GLRA2: variants seen among roughly 807,000 people sequenced by gnomAD.
GLRA2 encodes glycine receptor subunit alpha-2.
In GLRA2, 11 loss-of-function variants were observed where a neutral mutation model predicts 31.6. The observed-to-expected ratio is 0.35, with a 90% CI of 0.22 to 0.58. The LOEUF (loss-of-function observed/expected upper bound fraction) is 0.58. GLRA2 is among the 20% of genes least tolerant of loss of function. The probability of loss-of-function intolerance (pLI) is 0.84; values close to 1 mark genes in which losing one functional copy is unlikely to be tolerated. For missense variants in GLRA2, 212 were observed against 351.8 expected, an observed-to-expected ratio of 0.60 and a Z score of 3.18; for synonymous variants, 132 against 134.0, an observed-to-expected ratio of 0.99 and a Z score of 0.10.
chrX:14,678,033 C>T (rs1457125366), intron 7 of GLRA2, among the ~76,000 whole-genome samples: 2 of 111,887 alleles, frequency 1.8e-5, no homozygotes, highest in Non-Finnish European at 3.8e-5. Flanking sequence ...TAGCACTGCT[C>T]CCTGGTTGTG....
In GLRA2 at chrX:14,690,736, C is replaced by G. The variant is rs1421532458; in HGVS notation, c.957C>G (p.Ile319Met). The G allele has an allele frequency of 4.2e-6, 5 of 1,203,268 alleles. No individual in the cohort carries two copies. The highest frequency in any genetic ancestry group is 5.6e-6 in the Non-Finnish European group (5 of 888,654). ...PKVSYVKAID[I>M]WMAVCLLFVF... ...TCTCCTATGTAAAAGCGATTGACAT[C>G]TGGATGGCGGTGTGCCTTCTGTTTG... Residue 319 changes from isoleucine to methionine, a missense_variant, in exon 8 of 9, where the codon ATC (isoleucine) becomes ATG (methionine). Physicochemically the swap from Ile to Met is conservative, Grantham distance 10 (BLOSUM62 1). Transcript: ENST00000218075.
At chrX:14,519,999 T>C in the GLRA2 span, among the ~76,000 whole-genome samples, 2 of 112,279 alleles carry the variant, frequency 1.8e-5, no homozygotes, top group Admixed American at 1.9e-4. Flanking sequence ...ATGAATGTAA[T>C]TCCATGTCAG....
At chrX:14,564,689 A>T (rs1455714167) in intron 2 of GLRA2, among the ~76,000 whole-genome samples, 1 of 112,417 alleles carries the variant, frequency 8.9e-6, no homozygotes, top group Non-Finnish European at 1.9e-5. Flanking sequence ...CTGCAACAAC[A>T]AAAACATAAA....
At chrX:14,714,444 A>T (rs951502066) in intron 8 of GLRA2, among the ~76,000 whole-genome samples, 4 of 111,854 alleles carry the variant, frequency 3.6e-5, no homozygotes, top group African/African-American at 1.3e-4. Flanking sequence ...GAACTAAAGA[A>T]AGATCCACCA....
At chrX:14,677,898 C>A (rs1195817110) in intron 7 of GLRA2, among the ~76,000 whole-genome samples, 1 of 112,109 alleles carries the variant, frequency 8.9e-6, no homozygotes, top group Non-Finnish European at 1.9e-5. Context: ...TTTGCTTTCT[C>A]TCTCTCAGGG....
the GLRA2 span, among the ~76,000 whole-genome samples, chrX:14,458,320 C>T: frequency 5.4e-5 from 6 of 111,563 alleles, no homozygotes; most frequent in Non-Finnish European, 1.1e-4. Context: ...TGAATAGTGC[C>T]ACAATAAACA....
Position 14,730,539 on chromosome X carries a change from C to CG in GLRA2, c.*54_*55insG. On this transcript the variant is annotated 3_prime_UTR_variant, in exon 9 of 9. Coordinates refer to ENST00000218075, the MANE Select transcript of GLRA2 (RefSeq NM_002063.4). Reference sequence around the variant, plus strand: ...TGCCTCAGTGTTGTGCTTGTAAATACACAGTGAAATTGTCTTTATATCACT... The same window carrying CG: ...TGCCTCAGTGTTGTGCTTGTAAATACGACAGTGAAATTGTCTTTATATCACT... The CG allele has an allele frequency of 1.3e-6, 1 of 790,975 alleles. No individual in the cohort carries two copies. Among genetic ancestry groups the CG allele is most frequent in the Non-Finnish European group, 1.8e-6 (1 of 556,016 alleles). 65.2% of individuals were successfully genotyped at this position (790,975 alleles called of 1,213,427 possible).
chrX:14,728,767 T>C (rs2091957156), intron 8 of GLRA2, among the ~76,000 whole-genome samples: 2 of 112,451 alleles, frequency 1.8e-5, no homozygotes, highest in South Asian at 7.4e-4. Flanking sequence ...ACCTGGGTAC[T>C]ACACTAATTT....
At chrX:14,501,991 A>C in the GLRA2 span, among the ~76,000 whole-genome samples, 4 of 111,075 alleles carry the variant, frequency 3.6e-5, no homozygotes, top group South Asian at 1.5e-3. Flanking sequence ...TCTTATAAGG[A>C]TACCTGTCAT....
At chrX:14,459,940 G>A in the GLRA2 span, among the ~76,000 whole-genome samples, 1 of 112,077 alleles carries the variant, frequency 8.9e-6, no homozygotes, top group African/African-American at 3.2e-5. Flanking sequence ...GGGCATCCCT[G>A]TCTTGTGCCA....
At chrX:14,459,973 G>C in the GLRA2 span, among the ~76,000 whole-genome samples, 4 of 112,003 alleles carry the variant, frequency 3.6e-5, no homozygotes, top group African/African-American at 1.3e-4. Context: ...AATGCTTCCA[G>C]TTTTTGCCCA....
intron 7 of GLRA2, among the ~76,000 whole-genome samples, chrX:14,621,918 A>T (rs769997292): frequency 4.5e-5 from 5 of 112,001 alleles, no homozygotes; most frequent in African/African-American, 1.6e-4. Context: ...CTAGTTCTAG[A>T]TCCTTGAGGA....
intron 2 of GLRA2, among the ~76,000 whole-genome samples, chrX:14,557,142 G>T (rs1384199533): frequency 2.9e-5 from 2 of 69,419 alleles, no homozygotes; most frequent in African/African-American, 6.2e-5. Context: ...TTGAGACGGA[G>T]TCTCGCTCTG....
intron 3 of GLRA2, 148 bp from the exon 4 acceptor site, chrX:14,581,035 T>C (rs2090010808): frequency 4.5e-6 from 2 of 443,269 alleles, no homozygotes; most frequent in Admixed American, 7.3e-5. Context: ...CTAATAGAAC[T>C]AAATGGTTTA....
the GLRA2 span, among the ~76,000 whole-genome samples, chrX:14,465,098 T>C: frequency 9.0e-6 from 1 of 111,194 alleles, no homozygotes; most frequent in African/African-American, 3.3e-5. Flanking sequence ...TTGGGCAGTA[T>C]GGTCATTTTA....
At chrX:14,703,098 G>C (rs184033312) in intron 8 of GLRA2, among the ~76,000 whole-genome samples, 1 of 111,969 alleles carries the variant, frequency 8.9e-6, no homozygotes, top group African/African-American at 3.2e-5. Context: ...TCAGGGTCTA[G>C]ATGGCTAAAA....
At chrX:14,622,180 T>C in intron 7 of GLRA2, among the ~76,000 whole-genome samples, 1 of 112,425 alleles carries the variant, frequency 8.9e-6, no homozygotes, top group South Asian at 3.7e-4. Context: ...TGTCTGTTCA[T>C]ATCCTTCGCC....
At chrX:14,522,175 GA>G in the GLRA2 span, among the ~76,000 whole-genome samples, 1 of 112,236 alleles carries the variant, frequency 8.9e-6, no homozygotes, top group African/African-American at 3.2e-5. Context: ...GGAATATCCT[GA>G]ATCCTTTGTT....
At chrX:14,503,409 TCCAGAGGGTA>T in the GLRA2 span, among the ~76,000 whole-genome samples, 1 of 111,758 alleles carries the variant, frequency 8.9e-6, no homozygotes. Flanking sequence ...AGTTTCTATT[TCCAGAGGGTA>T]CCACAATTGG....
Sources: gnomAD v4.1 joint callset for allele counts (sites outside exome capture counted in the v4.1 genomes callset) on GRCh38, gnomAD v4.1.1 for gene constraint, MANE v1.5 for transcripts, NCBI Gene and HGNC (gene_info 2026-07-23, HGNC 2026-07-21) for gene names.